Variants in SGMS1 observed in about 807,000 individuals in gnomAD.
The protein encoded by SGMS1 is phosphatidylcholine:ceramide cholinephosphotransferase 1.
SGMS1 carries 13 observed loss-of-function variants against 46.2 expected under a neutral mutation model. The observed-to-expected ratio is 0.28, with a 90% CI of 0.18 to 0.45. The LOEUF is 0.45. Among genes scored for constraint, SGMS1 ranks in the 20% least tolerant of loss-of-function variants. The pLI is 1.00. For missense variants in SGMS1, 324 were observed against 519.9 expected (o/e 0.62, Z 3.66); for synonymous variants, 203 against 187.8 (o/e 1.08, Z -0.66).
chr10:50,524,143 T>G (rs900043920), intron 2 of SGMS1, among the ~76,000 whole-genome samples: 2 of 152,244 alleles, frequency 1.3e-5, no homozygotes, highest in Admixed American at 6.5e-5. Context: ...ATTGTCCTTT[T>G]GTACCCCTCA....
chr10:50,507,274 G>T (rs1412389251), intron 3 of SGMS1, among the ~76,000 whole-genome samples: 2 of 152,204 alleles, frequency 1.3e-5, no homozygotes, highest in Non-Finnish European at 2.9e-5. Context: ...ACCATTTAGA[G>T]TTGAGCAAAA....
intron 6 of SGMS1, among the ~76,000 whole-genome samples, chr10:50,347,054 A>G (rs544745069): frequency 2.8e-4 from 43 of 152,324 alleles, no homozygotes; most frequent in African/African-American, 1.0e-3. Context: ...AAGATATTTC[A>G]GACTTTGCAA....
chr10:50,314,324 C>T (rs1847304888), intron 8 of SGMS1, among the ~76,000 whole-genome samples: 1 of 151,988 alleles, frequency 6.6e-6, no homozygotes, highest in Non-Finnish European at 1.5e-5. Flanking sequence ...GTGGCTGTCT[C>T]CAAAGTAGTG....
chr10:50,463,667 A>G (rs1427142016), intron 4 of SGMS1, among the ~76,000 whole-genome samples: 1 of 152,214 alleles, frequency 6.6e-6, no homozygotes, highest in African/African-American at 2.4e-5. Context: ...CAGTAAGCTC[A>G]CTTCTGGTAT....
In SGMS1 at chr10:50,517,899, T is replaced by C. The variant is rs537817097; in HGVS notation, c.-498+1932A>G. On this transcript the variant is annotated intron_variant, in intron 3 of 10. Coordinates refer to ENST00000361781, the MANE Select transcript of SGMS1 (RefSeq NM_147156.4). ...ACAACACTGGGAAAAAAAATAACTA[T>C]CAACTAAGAGCTGTAAGAGTGAAAT... 5.3e-5 allele frequency among the ~76,000 whole-genome samples: 8 copies of C among 152,034 alleles called. No homozygotes were observed. The East Asian group carries it at 1.4e-3, about 26-fold the overall frequency.
intron 2 of SGMS1, among the ~76,000 whole-genome samples, chr10:50,588,120 A>G (rs1838504758): frequency 6.6e-6 from 1 of 152,142 alleles, no homozygotes; most frequent in South Asian, 2.1e-4. Flanking sequence ...CCAAAGAATA[A>G]AAAAGCAAAA....
intron 6 of SGMS1, among the ~76,000 whole-genome samples, chr10:50,359,601 A>C (rs1450354013): frequency 6.6e-6 from 1 of 152,094 alleles, no homozygotes; most frequent in Non-Finnish European, 1.5e-5. Context: ...CCCCTTCCCC[A>C]AGCCTCCAAT....
Position 50,514,730 on chromosome 10 carries a change from C to T in SGMS1, c.-498+5101G>A, listed in dbSNP as rs560986364. Among the ~76,000 whole-genome samples, 7 of 152,256 alleles carry T rather than the reference C, an allele frequency of 4.6e-5. No homozygotes were observed. In the South Asian group the frequency reaches 1.0e-3, roughly 23 times the overall value. ...GTCCTAAAACCAAAATGCTTAAGAA[C>T]CACTGCTGTAGCATATAAACAGATT... is the stretch of plus-strand genomic sequence containing the variant. On this transcript the variant is annotated intron_variant, in intron 3 of 10. Coordinates refer to ENST00000361781, the MANE Select transcript of SGMS1 (RefSeq NM_147156.4).
At chr10:50,537,356 TG>T (rs1838011104) in intron 2 of SGMS1, among the ~76,000 whole-genome samples, 2 of 152,102 alleles carry the variant, frequency 1.3e-5, no homozygotes, top group South Asian at 4.2e-4. Flanking sequence ...GATAAAATGT[TG>T]GGGTACTCAG....
chr10:50,534,187 G>A (rs1837979605), intron 2 of SGMS1, among the ~76,000 whole-genome samples: 1 of 152,108 alleles, frequency 6.6e-6, no homozygotes. Flanking sequence ...ATAAAAGTGG[G>A]TACTTATAGG....
At chr10:50,337,085 G>T (rs1438751091) in intron 7 of SGMS1, among the ~76,000 whole-genome samples, 2 of 152,124 alleles carry the variant, frequency 1.3e-5, no homozygotes, top group African/African-American at 2.4e-5. Flanking sequence ...GCTTATCAGA[G>T]AATTAAATAA....
chr10:50,307,471 C>G lies in SGMS1; in HGVS notation c.1063-150G>C. The G allele has an allele frequency of 1.6e-6, 1 of 639,132 alleles. No homozygotes were observed. Among genetic ancestry groups the G allele is most frequent in the Non-Finnish European group, 2.6e-6 (1 of 381,622 alleles). 39.6% of individuals were successfully genotyped at this position (639,132 alleles called of 1,614,324 possible). On this transcript the variant is annotated intron_variant, in intron 10 of 10. Transcript: ENST00000361781. The surrounding 1 kb of genome is among the most constrained non-coding windows in gnomAD (Gnocchi z 4.2). Reference sequence around the variant, plus strand: ...TTCTCTCTCTCATCACCATTCTACACTCCACATTCATCTACAAACTGAGCC... The same window carrying G: ...TTCTCTCTCTCATCACCATTCTACAGTCCACATTCATCTACAAACTGAGCC...
At chr10:50,440,080 A>C (rs1011811559) in intron 5 of SGMS1, among the ~76,000 whole-genome samples, 3 of 152,174 alleles carry the variant, frequency 2.0e-5, no homozygotes, top group Non-Finnish European at 4.4e-5. Context: ...TTGGTAGGCT[A>C]TTAGGAATGC....
At chr10:50,428,730 G>A (rs1191219954) in intron 6 of SGMS1, among the ~76,000 whole-genome samples, 1 of 152,180 alleles carries the variant, frequency 6.6e-6, no homozygotes, top group East Asian at 1.9e-4. Context: ...CCACCTTAGG[G>A]AAGTCAGCCT....
chr10:50,465,239 C>T (rs1206699785), intron 4 of SGMS1, among the ~76,000 whole-genome samples: 4 of 152,120 alleles, frequency 2.6e-5, no homozygotes, highest in African/African-American at 4.8e-5. Flanking sequence ...AAGCCAACCA[C>T]GTAACAAATT....
At chr10:50,508,102 AG>A (rs2133768219) in intron 3 of SGMS1, among the ~76,000 whole-genome samples, 1 of 152,352 alleles carries the variant, frequency 6.6e-6, no homozygotes, top group Non-Finnish European at 1.5e-5. Context: ...GGCTCCCCAA[AG>A]GTGCTGTGTG....
chr10:50,588,806 C>T (rs997296670), intron 2 of SGMS1, among the ~76,000 whole-genome samples: 14 of 149,988 alleles, frequency 9.3e-5, no homozygotes, highest in Non-Finnish European at 7.4e-5. Context: ...CTCGGCTCAC[C>T]GCAACCTCTG....
intron 6 of SGMS1, among the ~76,000 whole-genome samples, chr10:50,412,725 A>G (rs1371695052): frequency 6.6e-6 from 1 of 152,248 alleles, no homozygotes; most frequent in African/African-American, 2.4e-5. Flanking sequence ...CAAGAGTAAG[A>G]TTAAAAAATA....
At chr10:50,429,396 G>A (rs1436956286) in intron 6 of SGMS1, among the ~76,000 whole-genome samples, 1 of 152,082 alleles carries the variant, frequency 6.6e-6, no homozygotes, top group Admixed American at 6.6e-5. Flanking sequence ...ATATAGCCTA[G>A]GTTTGTAGTA....
Sources: allele counts gnomAD v4.1 joint callset (sites outside exome capture counted in the v4.1 genomes callset), GRCh38; gene constraint gnomAD v4.1.1; non-coding constraint Gnocchi (gnomAD v3.1); transcripts MANE v1.5; gene names NCBI Gene and HGNC (gene_info 2026-07-23, HGNC 2026-07-21).